The following ZNF385D variants were observed in gnomAD, a reference collection of about 807,000 sequenced individuals.
The protein encoded by ZNF385D is zinc finger protein 385D.
In ZNF385D, 15 loss-of-function variants were observed where a neutral mutation model predicts 35.8. The observed-to-expected ratio is 0.42, with a 90% CI of 0.28 to 0.64. The LOEUF is 0.64. Ranked by LOEUF, ZNF385D falls within the 30% of genes least tolerant of loss-of-function variation. The probability of loss-of-function intolerance (pLI) is 0.23; values close to 1 mark genes in which losing one functional copy is unlikely to be tolerated. For missense variants in ZNF385D, 474 were observed against 494.6 expected (o/e 0.96, Z 0.39); for synonymous variants, 212 against 186.8 (o/e 1.13, Z -1.10).
chr3:21,872,692 TAG>T (rs1697756088), intron 3 of ZNF385D, among the ~76,000 whole-genome samples: 2 of 152,078 alleles, frequency 1.3e-5, no homozygotes, highest in South Asian at 4.1e-4. Flanking sequence ...CTGAAAGAAA[TAG>T]AGTTTGCTGA....
At chr3:22,124,089 C>G (rs1214416360) in intron 3 of ZNF385D, among the ~76,000 whole-genome samples, 1 of 151,550 alleles carries the variant, frequency 6.6e-6, no homozygotes, top group Non-Finnish European at 1.5e-5. Flanking sequence ...CTCCCTCACC[C>G]CTACAATTCT....
In ZNF385D at chr3:21,772,390, A is replaced by C. The variant is rs73038839; in HGVS notation, c.326-107362T>G. Among the ~76,000 whole-genome samples the C allele has an allele frequency of 1.8e-4, 28 of 151,736 alleles. No individual in the cohort carries two copies. The East Asian group carries it at 2.1e-3, about 12-fold the overall frequency. On this transcript the variant is annotated intron_variant, in intron 3 of 5. Transcript: ENST00000494108. The stretch of plus-strand genomic sequence containing the variant: ...TCCTAAAACTTAACAACAACAACAA[A>C]AAAACAAGCTGATTAGAAAATGGAC...
intron 3 of ZNF385D, among the ~76,000 whole-genome samples, chr3:21,841,241 T>C (rs910211275): frequency 2.0e-5 from 3 of 152,052 alleles, no homozygotes; most frequent in African/African-American, 4.8e-5. Context: ...AATAGCTTCA[T>C]AGTAATACCA....
At chr3:21,891,117 C>G (rs375921079) in intron 3 of ZNF385D, among the ~76,000 whole-genome samples, 1 of 152,054 alleles carries the variant, frequency 6.6e-6, no homozygotes, top group South Asian at 2.1e-4. Context: ...AAGTAATACT[C>G]TATAAGATTT....
chr3:22,180,820 G>A (rs1248116252), intron 2 of ZNF385D, among the ~76,000 whole-genome samples: 1 of 151,606 alleles, frequency 6.6e-6, no homozygotes, highest in Non-Finnish European at 1.5e-5. Context: ...CAAACCCACA[G>A]CCAATATCAT....
chr3:22,283,555 G>A (rs1021094256), intron 2 of ZNF385D, among the ~76,000 whole-genome samples: 2 of 152,112 alleles, frequency 1.3e-5, no homozygotes, highest in Non-Finnish European at 2.9e-5. Context: ...CATGAGCAAA[G>A]CATCTGGATC....
intron 2 of ZNF385D, among the ~76,000 whole-genome samples, chr3:22,190,483 G>C (rs557675210): frequency 6.6e-5 from 10 of 152,260 alleles, no homozygotes; most frequent in African/African-American, 2.2e-4. Context: ...CCAAATATAT[G>C]TGTCAAGGAA....
intron 3 of ZNF385D, among the ~76,000 whole-genome samples, chr3:21,805,994 T>C (rs184176932): frequency 5.7e-4 from 87 of 152,254 alleles, no homozygotes; most frequent in Non-Finnish European, 8.5e-4. Context: ...AAATACAATG[T>C]CTATAAAAGG....
chr3:22,245,999 C>T (rs1194761238), intron 2 of ZNF385D, among the ~76,000 whole-genome samples: 3 of 152,068 alleles, frequency 2.0e-5, no homozygotes, highest in Non-Finnish European at 4.4e-5. Context: ...GTGACAGTGC[C>T]ACGAAGCCAG....
chr3:21,837,108 G>T (rs545848398), intron 3 of ZNF385D, among the ~76,000 whole-genome samples: 1 of 152,238 alleles, frequency 6.6e-6, no homozygotes, highest in South Asian at 2.1e-4. Flanking sequence ...GCATTGGAGT[G>T]ACAGAAACAA....
intron 4 of ZNF385D, among the ~76,000 whole-genome samples, chr3:21,485,208 G>A (rs1350594176): frequency 1.3e-5 from 2 of 152,178 alleles, no homozygotes; most frequent in Non-Finnish European, 2.9e-5. Flanking sequence ...ACATGTACGT[G>A]TTTCTGAGCC....
chr3:21,806,852 G>C (rs1052346850), intron 3 of ZNF385D, among the ~76,000 whole-genome samples: 4 of 152,076 alleles, frequency 2.6e-5, no homozygotes, highest in African/African-American at 7.2e-5. Context: ...CAGACTTTGT[G>C]AATCAAAAAA....
chr3:22,320,058 CT>C (rs79055027), intron 2 of ZNF385D, among the ~76,000 whole-genome samples: 297 of 143,152 alleles, frequency 2.1e-3, no homozygotes, highest in Middle Eastern at 7.1e-3. Flanking sequence ...CACATACAAA[CT>C]TTTTTTTTTT....
At chr3:22,103,464 T>C (rs533144744) in intron 3 of ZNF385D, among the ~76,000 whole-genome samples, 1 of 152,160 alleles carries the variant, frequency 6.6e-6, no homozygotes, top group African/African-American at 2.4e-5. Flanking sequence ...TGATACTATT[T>C]TACAATTTTC....
intron 3 of ZNF385D, among the ~76,000 whole-genome samples, chr3:21,913,106 C>A (rs1345557546): frequency 1.3e-5 from 2 of 152,012 alleles, no homozygotes; most frequent in African/African-American, 4.8e-5. Context: ...CAAATTGAAT[C>A]TTTTGGCTGG....
chr3:21,516,485 G>A (rs1052557976), intron 3 of ZNF385D, among the ~76,000 whole-genome samples: 1 of 152,106 alleles, frequency 6.6e-6, no homozygotes, highest in Non-Finnish European at 1.5e-5. Context: ...GTACCAGGAA[G>A]ATAAAGATGA....
At chr3:21,527,538 TTAAAA>T (rs1373603225) in intron 3 of ZNF385D, among the ~76,000 whole-genome samples, 1 of 152,210 alleles carries the variant, frequency 6.6e-6, no homozygotes, top group Admixed American at 6.5e-5. Context: ...TTGGTTATCT[TTAAAA>T]TAAATCGTTA....
intron 2 of ZNF385D, among the ~76,000 whole-genome samples, chr3:22,296,025 G>T (rs1008012327): frequency 2.6e-5 from 4 of 152,126 alleles, no homozygotes; most frequent in African/African-American, 7.2e-5. Context: ...TATAACCTTT[G>T]CATGGCCCAG....
intron 2 of ZNF385D, among the ~76,000 whole-genome samples, chr3:22,230,138 T>C (rs778131719): frequency 1.3e-5 from 2 of 152,186 alleles, no homozygotes; most frequent in African/African-American, 2.4e-5. Context: ...GGATGGTTTT[T>C]AGGATACTGG....
Sources: gnomAD v4.1 joint callset for allele counts (sites outside exome capture counted in the v4.1 genomes callset) on GRCh38, gnomAD v4.1.1 for gene constraint, MANE v1.5 for transcripts, NCBI Gene and HGNC (gene_info 2026-07-23, HGNC 2026-07-21) for gene names.